Variants in CACNB2 observed in about 807,000 individuals in gnomAD.
CACNB2 encodes the protein calcium voltage-gated channel auxiliary subunit beta 2, also known as voltage-dependent L-type calcium channel subunit beta-2.
In CACNB2, 42 loss-of-function variants were observed where a neutral mutation model predicts 73.3. The ratio of observed to expected loss-of-function variants is 0.57; its 90% CI spans 0.45 to 0.74. The LOEUF is 0.74. Ranked by LOEUF, CACNB2 falls within the 30% of genes least tolerant of loss-of-function variation. The pLI is 0.00. For synonymous variants in CACNB2, 348 were observed against 310.3 expected, an observed-to-expected ratio of 1.12 and a Z score of -1.28; for missense variants, 940 against 853.0, an observed-to-expected ratio of 1.10 and a Z score of -1.27.
At chr10:18,452,832 A>G (rs568828768) in intron 3 of CACNB2, among the ~76,000 whole-genome samples, 1 of 152,294 alleles carries the variant, frequency 6.6e-6, no homozygotes, top group East Asian at 1.9e-4. Context: ...GTCATTCCTT[A>G]ATGAGTATAC....
Position 18,307,983 on chromosome 10 carries a change from CTT to C in CACNB2, c.214-93915_214-93914del, listed in dbSNP as rs869311555. ...TTAAGTCTAAAATAATATATGCCAACTTTTTTTTTTTTTTTTTTTTTTTTTTT... is the reference window on the plus strand; with the variant it reads ...TTAAGTCTAAAATAATATATGCCAACTTTTTTTTTTTTTTTTTTTTTTTTT... On this transcript the variant is annotated intron_variant, in intron 2 of 13. Transcript: ENST00000324631. Among the ~76,000 whole-genome samples the C allele has an allele frequency of 2.9e-3, 206 of 70,238 alleles. 8 individuals carry two copies. Among genetic ancestry groups the C allele is most frequent in the Admixed American group, 6.2e-3 (32 of 5,148 alleles). 46.1% of individuals were successfully genotyped at this position (70,238 alleles called of 152,430 possible). A position where few individuals can be genotyped will look rare whatever the true frequency, so the allele number is the denominator to read the frequency against.
At chr10:18,444,536 G>C (rs895174357) in intron 3 of CACNB2, among the ~76,000 whole-genome samples, 4 of 152,276 alleles carry the variant, frequency 2.6e-5, no homozygotes, top group African/African-American at 7.2e-5. Context: ...CAGTATCCAA[G>C]TTTTATGGCG....
In CACNB2 at chr10:18,401,921, C is replaced by T. The variant is rs1387010315; in HGVS notation, c.214-3C>T. ...ACTTTAAAATGTACATTTTCCTCTC[C>T]AGGGTTCGGCAGACTCCTACACTAG... On this transcript the variant is annotated splice_region_variant and splice_polypyrimidine_tract_variant and intron_variant, in intron 2 of 13. Transcript: ENST00000324631. The T allele has an allele frequency of 1.9e-6, 3 of 1,613,912 alleles. No homozygotes were observed. Among genetic ancestry groups the T allele is most frequent in the Non-Finnish European group, 2.5e-6 (3 of 1,179,842 alleles).
intron 3 of CACNB2, among the ~76,000 whole-genome samples, chr10:18,414,413 ACTTT>A (rs1380830897): frequency 2.6e-5 from 4 of 151,534 alleles, no homozygotes; most frequent in Non-Finnish European, 5.9e-5. Context: ...GCTAGTTTTA[ACTTT>A]CTTATGGGTA....
At chr10:18,491,546 C>T (rs1372842933) in intron 3 of CACNB2, among the ~76,000 whole-genome samples, 1 of 152,096 alleles carries the variant, frequency 6.6e-6, no homozygotes, top group Non-Finnish European at 1.5e-5. Context: ...CATGATTGCA[C>T]CACTTCGTTC....
chr10:18,155,399 T>A (rs2031959568), intron 2 of CACNB2, among the ~76,000 whole-genome samples: 1 of 152,234 alleles, frequency 6.6e-6, no homozygotes, highest in African/African-American at 2.4e-5. Context: ...GATTTTGGTT[T>A]GTTGGTGTGA....
At chr10:18,293,415 A>G (rs978552478) in intron 2 of CACNB2, among the ~76,000 whole-genome samples, 2 of 152,218 alleles carry the variant, frequency 1.3e-5, no homozygotes, top group African/African-American at 4.8e-5. Flanking sequence ...CATAAACATT[A>G]AAGAAAAGAG....
intron 2 of CACNB2, among the ~76,000 whole-genome samples, chr10:18,231,337 C>G (rs1403547650): frequency 6.6e-6 from 1 of 152,106 alleles, no homozygotes; most frequent in South Asian, 2.1e-4. Flanking sequence ...CCACCACACC[C>G]AGCTAAACTT....
At chr10:18,212,939 G>A (rs537581445) in intron 2 of CACNB2, among the ~76,000 whole-genome samples, 33 of 152,182 alleles carry the variant, frequency 2.2e-4, no homozygotes, top group Non-Finnish European at 4.1e-4. Context: ...GATCAAATGT[G>A]TTAGACTTTT....
chr10:18,525,227 T>A (rs1275820152), intron 9 of CACNB2, among the ~76,000 whole-genome samples: 1 of 152,040 alleles, frequency 6.6e-6, no homozygotes, highest in African/African-American at 2.4e-5. Context: ...GTTATATGCT[T>A]GGGGATTCCT....
intron 3 of CACNB2, among the ~76,000 whole-genome samples, chr10:18,412,415 T>C (rs938356143): frequency 6.6e-6 from 1 of 152,176 alleles, no homozygotes; most frequent in Admixed American, 6.5e-5. Flanking sequence ...TGTCCTATTT[T>C]TTTCCCTTCT....
Position 18,539,633 on chromosome 10 carries a change from A to G in CACNB2, c.1892A>G (p.Lys631Arg), listed in dbSNP as rs200260399. ...CNKQRSRHKS[K>R]DRYCEKDGEV... The stretch of plus-strand genomic sequence containing the variant: ...AAGCAGCGCAGCCGTCATAAATCCA[A>G]GGATCGCTACTGTGAAAAGGATGGA... The change falls in exon 14 of 14, where the codon AAG becomes AGG. Residue 631 changes from lysine (K) to arginine (R), a missense_variant. Lys to Arg is a conservative substitution (Grantham distance 26, BLOSUM62 2). Coordinates refer to ENST00000324631, the MANE Select transcript of CACNB2 (RefSeq NM_201596.3). 2.5e-6 allele frequency: 4 copies of G among 1,613,674 alleles called. No homozygotes were observed. The highest frequency in any genetic ancestry group is 3.3e-4 in the Middle Eastern group (2 of 6,082).
intron 2 of CACNB2, among the ~76,000 whole-genome samples, chr10:18,337,640 A>G (rs924353449): frequency 6.6e-6 from 1 of 152,184 alleles, no homozygotes; most frequent in African/African-American, 2.4e-5. Flanking sequence ...TATTACTGAT[A>G]AAGTTGCCCC....
At chr10:18,351,002 A>G (rs2041681705) in intron 2 of CACNB2, among the ~76,000 whole-genome samples, 1 of 152,228 alleles carries the variant, frequency 6.6e-6, no homozygotes, top group Non-Finnish European at 1.5e-5. Flanking sequence ...ATGATCAACT[A>G]GAATTTTTTT....
At chr10:18,340,286 T>C (rs2041178214) in intron 2 of CACNB2, among the ~76,000 whole-genome samples, 1 of 152,222 alleles carries the variant, frequency 6.6e-6, no homozygotes, top group South Asian at 2.1e-4. Flanking sequence ...GGTAAATGTC[T>C]CCAAGTGATA....
At chr10:18,389,811 G>C (rs1282282617) in intron 2 of CACNB2, among the ~76,000 whole-genome samples, 2 of 152,190 alleles carry the variant, frequency 1.3e-5, no homozygotes, top group African/African-American at 2.4e-5. Context: ...ACTTTGCAAA[G>C]AGCATTGGTT....
intron 2 of CACNB2, among the ~76,000 whole-genome samples, chr10:18,168,043 G>A (rs563354308): frequency 6.6e-6 from 1 of 151,942 alleles, no homozygotes; most frequent in East Asian, 1.9e-4. Flanking sequence ...GAGTAATCAT[G>A]CAGACATTCT....
At chr10:18,522,694 A>G (rs1452706397) in intron 9 of CACNB2, among the ~76,000 whole-genome samples, 1 of 152,000 alleles carries the variant, frequency 6.6e-6, no homozygotes, top group Non-Finnish European at 1.5e-5. Flanking sequence ...CTTCGCCAAC[A>G]TGGTGAAACC....
At chr10:18,321,581 A>G (rs2040398637) in intron 2 of CACNB2, among the ~76,000 whole-genome samples, 1 of 152,176 alleles carries the variant, frequency 6.6e-6, no homozygotes, top group Admixed American at 6.5e-5. Flanking sequence ...GGGGGCATGG[A>G]CACCCCATGC....
Sources: gnomAD v4.1 joint callset for allele counts (sites outside exome capture counted in the v4.1 genomes callset) on GRCh38, gnomAD v4.1.1 for gene constraint, MANE v1.5 for transcripts, NCBI Gene and HGNC (gene_info 2026-07-23, HGNC 2026-07-21) for gene names.